The following SCARB1 variants were observed in gnomAD, a reference collection of about 807,000 sequenced individuals.
The protein encoded by SCARB1 is CD36 and LIMPII analogous 1.
In SCARB1, 30 loss-of-function variants were observed where a neutral mutation model predicts 57.2. The ratio of observed to expected loss-of-function variants is 0.52; its 90% CI spans 0.39 to 0.71. The LOEUF (loss-of-function observed/expected upper bound fraction) is 0.71, where lower values mean the gene tolerates loss of function less well. SCARB1 is among the 30% of genes least tolerant of loss of function. The pLI is 0.00. For missense variants in SCARB1, 543 were observed against 671.2 expected, an observed-to-expected ratio of 0.81 and a Z score of 2.11; for synonymous variants, 249 against 268.3, an observed-to-expected ratio of 0.93 and a Z score of 0.70.
chr12:124,810,316 C>G lies in SCARB1; in HGVS notation c.727-27G>C. On this transcript the variant is annotated intron_variant, in intron 5 of 12. Transcript: ENST00000261693. The surrounding 1 kb of genome is among the most constrained non-coding windows in gnomAD (Gnocchi z 4.0). ...TGGGGGGAAGCATCCAGACTAGACCCCTCAGTAGGGCCAAGGCCCCTTAAT... is the reference window on the plus strand; with the variant it reads ...TGGGGGGAAGCATCCAGACTAGACCGCTCAGTAGGGCCAAGGCCCCTTAAT... 2 of 1,532,416 alleles carry G rather than the reference C, an allele frequency of 1.3e-6. No individual in the cohort carries two copies. Among genetic ancestry groups the G allele is most frequent in the African/African-American group, 1.4e-5 (1 of 73,450 alleles). The allele number at this position is 1,532,416 out of a possible 1,614,324, so 94.9% of individuals were successfully genotyped here. A position where few individuals can be genotyped will look rare whatever the true frequency, so the allele number is the denominator to read the frequency against.
At chr12:124,816,489 A>G (rs1158803332) in intron 2 of SCARB1, among the ~76,000 whole-genome samples, 1 of 152,206 alleles carries the variant, frequency 6.6e-6, no homozygotes, top group Admixed American at 6.5e-5. Context: ...GAGTGAACGG[A>G]ATGCAGCAGC....
chr12:124,814,089 G>A lies in SCARB1; in HGVS notation c.630+113C>T. 2 of 985,576 alleles carry A rather than the reference G, an allele frequency of 2.0e-6. No individual in the cohort carries two copies. The highest frequency in any genetic ancestry group is 1.3e-5 in the South Asian group (1 of 77,774). The allele number at this position is 985,576 out of a possible 1,614,324, so 61.1% of individuals were successfully genotyped here. The stretch of plus-strand genomic sequence containing the variant: ...GGTTCTCAGTCACTTACAACCCACA[G>A]CCACTAGATCCCCAGCCAGCTACAA... On this transcript the variant is annotated intron_variant, in intron 4 of 12. Coordinates refer to ENST00000261693, the MANE Select transcript of SCARB1 (RefSeq NM_005505.5). The surrounding 1 kb of genome is among the most constrained non-coding windows in gnomAD (Gnocchi z 4.7).
chr12:124,799,989 G>C (rs564229095), intron 8 of SCARB1, 135 bp downstream of exon 8: 1 of 735,648 alleles, frequency 1.4e-6, no homozygotes, highest in Admixed American at 1.9e-5. Flanking sequence ...AGGAACTTTG[G>C]TGGCTCGAGA....
In SCARB1 at chr12:124,800,289, G is replaced by A. The variant is rs781707619; in HGVS notation, c.1010-47C>T. The stretch of plus-strand genomic sequence containing the variant: ...GACATCAGACAAGGACAGTATATTG[G>A]CAGGTCCTGCCAGGCCGGAGGTCTG... On this transcript the variant is annotated intron_variant, in intron 7 of 12. Transcript: ENST00000261693. This position sits in a 1 kb window ranked among gnomAD's most constrained non-coding sequence, Gnocchi z 4.8. 6.9e-7 allele frequency: 1 copy of A among 1,448,500 alleles called. No individual in the cohort carries two copies. The highest frequency in any genetic ancestry group is 2.3e-5 in the East Asian group (1 of 43,892). The allele number at this position is 1,448,500 out of a possible 1,614,324, so 89.7% of individuals were successfully genotyped here.
In SCARB1 at chr12:124,817,736, G is replaced by A. The variant is rs769118563; in HGVS notation, c.127-29C>T. ...CAGGGGAAGGGACAAGTACGCTTGT[G>A]AGGAGAGTGATGAGGGCCCCACGCC... is the stretch of plus-strand genomic sequence containing the variant. On this transcript the variant is annotated intron_variant, in intron 1 of 12. Transcript: ENST00000261693. The surrounding 1 kb of genome is among the most constrained non-coding windows in gnomAD (Gnocchi z 4.8). 1 of 1,613,592 alleles carries A rather than the reference G, an allele frequency of 6.2e-7. No homozygotes were observed. Among genetic ancestry groups the A allele is most frequent in the Non-Finnish European group, 8.5e-7 (1 of 1,179,630 alleles).
chr12:124,788,422 G>C (rs973154440), intron 9 of SCARB1, among the ~76,000 whole-genome samples: 1 of 152,240 alleles, frequency 6.6e-6, no homozygotes, highest in African/African-American at 2.4e-5. Flanking sequence ...GTTCGCAGAA[G>C]CGTTACGTGG....
At chr12:124,837,423 G>GGGGAAGAAA (rs1383959554) in intron 1 of SCARB1, among the ~76,000 whole-genome samples, 18 of 146,222 alleles carry the variant, frequency 1.2e-4, no homozygotes, top group African/African-American at 4.3e-4. Context: ...AAGGGAAAGA[G>GGGGAAGAAA]GGGAAGAAAG....
intron 1 of SCARB1, among the ~76,000 whole-genome samples, chr12:124,833,951 C>A (rs1566224344): frequency 6.6e-6 from 1 of 152,278 alleles, no homozygotes; most frequent in Admixed American, 6.5e-5. Context: ...GCACTTTGTT[C>A]TTGCAGCTGG....
chr12:124,780,368 A>C (rs574278919), intron 12 of SCARB1, among the ~76,000 whole-genome samples: 1 of 152,306 alleles, frequency 6.6e-6, no homozygotes, highest in South Asian at 2.1e-4. Flanking sequence ...TTTATATAAA[A>C]ATATCTGTTT....
intron 8 of SCARB1, among the ~76,000 whole-genome samples, chr12:124,799,565 A>G (rs1950065250): frequency 6.6e-6 from 1 of 152,038 alleles, no homozygotes; most frequent in Non-Finnish European, 1.5e-5. Context: ...CATGGGATAG[A>G]CCACAAGTGC....
intron 1 of SCARB1, among the ~76,000 whole-genome samples, chr12:124,830,001 T>A (rs908717845): frequency 1.3e-5 from 2 of 152,196 alleles, no homozygotes; most frequent in African/African-American, 4.8e-5. Flanking sequence ...TCTTGGATCA[T>A]GAGGCACCCT....
chr12:124,863,561 C>G, intron 1 of SCARB1, 34 bp downstream of exon 1: 2 of 1,592,308 alleles, frequency 1.3e-6, no homozygotes, highest in African/African-American at 1.4e-5. Context: ...AGCCCGGGTC[C>G]GTGCGCGGAC....
At chr12:124,841,138 G>C (rs1015249657) in intron 1 of SCARB1, among the ~76,000 whole-genome samples, 1 of 152,194 alleles carries the variant, frequency 6.6e-6, no homozygotes, top group Non-Finnish European at 1.5e-5. Context: ...TTGGGAGGCC[G>C]AGGTGGGCGG....
chr12:124,798,925 C>T (rs1015776561), intron 8 of SCARB1, among the ~76,000 whole-genome samples: 34 of 151,812 alleles, frequency 2.2e-4, no homozygotes, highest in Admixed American at 3.3e-4. Context: ...TGGGGAAGTC[C>T]GTCAAAGGAT....
At chr12:124,804,344 G>A (rs536894784) in intron 7 of SCARB1, among the ~76,000 whole-genome samples, 1 of 152,370 alleles carries the variant, frequency 6.6e-6, no homozygotes, top group East Asian at 1.9e-4. Context: ...CTGCTTGGCA[G>A]CAAAGCCAGT....
At chr12:124,836,028 T>C (rs2135761357) in intron 1 of SCARB1, among the ~76,000 whole-genome samples, 1 of 152,340 alleles carries the variant, frequency 6.6e-6, no homozygotes, top group East Asian at 1.9e-4. Flanking sequence ...GTGGCATTCA[T>C]TCATTCATTC....
intron 5 of SCARB1, among the ~76,000 whole-genome samples, 173 bp downstream of exon 5, chr12:124,811,697 C>A (rs930074949): frequency 6.6e-6 from 1 of 152,152 alleles, no homozygotes; most frequent in Non-Finnish European, 1.5e-5. Context: ...GGTGGTCAAG[C>A]TTTAACCAGA....
chr12:124,781,627 G>A (rs1274947332), intron 12 of SCARB1, among the ~76,000 whole-genome samples: 4 of 152,148 alleles, frequency 2.6e-5, no homozygotes, highest in Non-Finnish European at 5.9e-5. Flanking sequence ...AAATCAGAAC[G>A]CCTAGTTAAA....
At chr12:124,855,080 C>G (rs757289016) in intron 1 of SCARB1, among the ~76,000 whole-genome samples, 33 of 152,138 alleles carry the variant, frequency 2.2e-4, no homozygotes, top group Non-Finnish European at 3.7e-4. Flanking sequence ...GAAGACAGAG[C>G]AGCCAGGAAG....
Sources: allele counts gnomAD v4.1 joint callset (sites outside exome capture counted in the v4.1 genomes callset), GRCh38; gene constraint gnomAD v4.1.1; non-coding constraint Gnocchi (gnomAD v3.1); transcripts MANE v1.5; gene names NCBI Gene and HGNC (gene_info 2026-07-23, HGNC 2026-07-21).